Variants in PPARG observed in about 807,000 individuals in gnomAD.
PPARG encodes the protein peroxisome proliferator-activated receptor gamma.
A neutral mutation model predicts 39.2 loss-of-function variants in PPARG; 17 were observed. That is an observed-to-expected ratio of 0.43 (90% CI 0.30 to 0.65). The LOEUF is 0.65. Ranked by LOEUF, PPARG falls within the 30% of genes least tolerant of loss-of-function variation. The pLI is 0.13. For synonymous variants in PPARG, 223 were observed against 215.7 expected (o/e 1.03, Z -0.30); for missense variants, 406 against 585.9 (o/e 0.69, Z 3.17).
intron 1 of PPARG, among the ~76,000 whole-genome samples, chr3:12,310,226 G>T (rs1344397831): frequency 6.6e-6 from 1 of 152,066 alleles, no homozygotes; most frequent in South Asian, 2.1e-4. Flanking sequence ...TGTTTGATCC[G>T]ACACTTGGGG....
At chr3:12,356,491 A>C (rs2048670208) in intron 2 of PPARG, among the ~76,000 whole-genome samples, 1 of 152,234 alleles carries the variant, frequency 6.6e-6, no homozygotes, top group Non-Finnish European at 1.5e-5. Context: ...GATTTAAAAC[A>C]GTCAACTGTC....
chr3:12,383,152 C>T (rs2049745065), intron 4 of PPARG, among the ~76,000 whole-genome samples: 1 of 152,152 alleles, frequency 6.6e-6, no homozygotes, highest in South Asian at 2.1e-4. Flanking sequence ...ACATTGTATC[C>T]TTCATCAGGC....
intron 4 of PPARG, among the ~76,000 whole-genome samples, chr3:12,389,812 G>A (rs564110887): frequency 1.3e-5 from 2 of 152,220 alleles, no homozygotes; most frequent in South Asian, 4.1e-4. Context: ...CCCAAGAATC[G>A]CTTGAACCTG....
intron 6 of PPARG, among the ~76,000 whole-genome samples, chr3:12,414,694 C>G (rs2050998881): frequency 6.6e-6 from 1 of 151,740 alleles, no homozygotes; most frequent in African/African-American, 2.4e-5. Flanking sequence ...TAATATTAAT[C>G]CTGAAAAGAA....
chr3:12,300,264 C>A (rs1559484348), intron 1 of PPARG, among the ~76,000 whole-genome samples: 1 of 152,194 alleles, frequency 6.6e-6, no homozygotes, highest in Non-Finnish European at 1.5e-5. Flanking sequence ...ACCTGCCCAC[C>A]TATGAACATG....
chr3:12,427,191 A>G (rs3105364), intron 7 of PPARG, among the ~76,000 whole-genome samples: 1,961 of 36,710 alleles, frequency 0.053, 24 homozygotes, highest in Non-Finnish European at 0.08. Flanking sequence ...GCTATAGGCC[A>G]CACCATGATA....
rs192626181 is a variant in PPARG, at chr3:12,339,757, A to T, written c.-9+27304A>T. Among the ~76,000 whole-genome samples, 22 of 152,270 alleles carry T rather than the reference A, an allele frequency of 1.4e-4. No homozygotes were observed. In the East Asian group the frequency reaches 4.3e-3, roughly 29 times the overall value. On this transcript the variant is annotated intron_variant, in intron 2 of 7. Coordinates refer to ENST00000651735, the MANE Select transcript of PPARG (RefSeq NM_138711.6). ...GGTGTTAGTTTAAATGTTCTCCAGG[A>T]TTTCTTGCACACATGAGAGTCGCAT...
chr3:12,373,961 A>G (rs982784212), intron 2 of PPARG, among the ~76,000 whole-genome samples: 1 of 152,192 alleles, frequency 6.6e-6, no homozygotes, highest in Non-Finnish European at 1.5e-5. Flanking sequence ...AGTAACCTGT[A>G]TGACTAAAAG....
At chr3:12,384,363 G>C (rs922906488) in intron 4 of PPARG, among the ~76,000 whole-genome samples, 21 of 152,108 alleles carry the variant, frequency 1.4e-4, no homozygotes, top group African/African-American at 3.4e-4. Context: ...TTTTTATTCG[G>C]CGTAAAGATA....
intron 2 of PPARG, among the ~76,000 whole-genome samples, chr3:12,347,672 C>T (rs938149357): frequency 4.6e-5 from 7 of 152,072 alleles, no homozygotes; most frequent in Non-Finnish European, 7.4e-5. Context: ...ATCTGGCTTC[C>T]GTGGGAGCAT....
chr3:12,348,164 A>T (rs978458009), intron 2 of PPARG, among the ~76,000 whole-genome samples: 1 of 152,204 alleles, frequency 6.6e-6, no homozygotes, highest in Non-Finnish European at 1.5e-5. Context: ...TTAATATTCT[A>T]TATTATGGGA....
chr3:12,403,575 C>T (rs531280994), intron 5 of PPARG, among the ~76,000 whole-genome samples: 3 of 152,216 alleles, frequency 2.0e-5, no homozygotes, highest in African/African-American at 7.2e-5. Context: ...AGGCTGCTCT[C>T]AAATTCCTGG....
chr3:12,351,550 A>C (rs758861013), intron 2 of PPARG: 2 of 1,448,346 alleles, frequency 1.4e-6, no homozygotes, highest in South Asian at 2.3e-5. Context: ...GATAGAGACA[A>C]AATATCAGTG....
chr3:12,426,465 G>A (rs1240874716), intron 7 of PPARG, among the ~76,000 whole-genome samples: 1 of 152,058 alleles, frequency 6.6e-6, no homozygotes, highest in African/African-American at 2.4e-5. Flanking sequence ...AGCTGGCCCT[G>A]CTAGCGTTCT....
intron 2 of PPARG, among the ~76,000 whole-genome samples, chr3:12,316,985 T>C (rs1172536442): frequency 1.3e-5 from 2 of 152,220 alleles, no homozygotes; most frequent in Non-Finnish European, 2.9e-5. Context: ...TGAACTTGTT[T>C]GGTCTCAGTG....
At chr3:12,360,089 A>C (rs767160199) in intron 2 of PPARG, among the ~76,000 whole-genome samples, 2 of 152,232 alleles carry the variant, frequency 1.3e-5, no homozygotes, top group Non-Finnish European at 2.9e-5. Context: ...GAAGCTGGTT[A>C]CAAAAACAGA....
At chr3:12,375,762 C>G (rs189419202) in intron 2 of PPARG, among the ~76,000 whole-genome samples, 1 of 152,194 alleles carries the variant, frequency 6.6e-6, no homozygotes. Flanking sequence ...CTAGAATGAC[C>G]TTTAACTATC....
At chr3:12,416,537 G>C (rs1321318330) in intron 6 of PPARG, among the ~76,000 whole-genome samples, 167 bp from the exon 7 acceptor site, 1 of 152,200 alleles carries the variant, frequency 6.6e-6, no homozygotes, top group Non-Finnish European at 1.5e-5. Context: ...AGATAATTAA[G>C]ATGAATAAAA....
intron 2 of PPARG, among the ~76,000 whole-genome samples, chr3:12,314,741 G>A (rs1336671098): frequency 2.0e-5 from 3 of 152,136 alleles, no homozygotes; most frequent in Admixed American, 2.0e-4. Context: ...GAGCTGAAAA[G>A]GGACGTTAGT....
Sources: gnomAD v4.1 joint callset for allele counts (sites outside exome capture counted in the v4.1 genomes callset) on GRCh38, gnomAD v4.1.1 for gene constraint, MANE v1.5 for transcripts, NCBI Gene and HGNC (gene_info 2026-07-23, HGNC 2026-07-21) for gene names.